MTMR8: variants seen among roughly 807,000 people sequenced by gnomAD.
The protein encoded by MTMR8 is phosphatidylinositol-3,5-bisphosphate 3-phosphatase MTMR8.
In MTMR8, 65 loss-of-function variants were observed where a neutral mutation model predicts 39.3. That is an observed-to-expected ratio of 1.65 (90% confidence interval 1.35 to 2.03). MTMR8 has a LOEUF of 2.03. Ranked by LOEUF, MTMR8 falls within the 30% of genes most tolerant of loss-of-function variation. The probability of loss-of-function intolerance (pLI) is 0.00; values close to 1 mark genes in which losing one functional copy is unlikely to be tolerated. For missense variants in MTMR8, 777 were observed against 538.9 expected (o/e 1.44, Z -4.37); for synonymous variants, 245 against 185.2 (o/e 1.32, Z -2.62).
At chrX:64,325,312 G>A (rs1007341962) in intron 12 of MTMR8, among the ~76,000 whole-genome samples, 4 of 111,863 alleles carry the variant, frequency 3.6e-5, no homozygotes, top group Non-Finnish European at 5.6e-5. Context: ...TATAAGGATA[G>A]CATTACCCTG....
chrX:64,379,568 T>C (rs995231058), intron 1 of MTMR8, among the ~76,000 whole-genome samples: 1 of 111,579 alleles, frequency 9.0e-6, no homozygotes, highest in African/African-American at 3.3e-5. Context: ...TCTAGGCTTA[T>C]AGACATCTTC....
At chrX:64,344,553 C>T (rs1050146883) in intron 7 of MTMR8, among the ~76,000 whole-genome samples, 14 of 111,076 alleles carry the variant, frequency 1.3e-4, no homozygotes, top group African/African-American at 3.9e-4. Context: ...CCTTTCTGAC[C>T]CTAATCATTT....
At chrX:64,383,393 T>G (rs1029904436) in intron 1 of MTMR8, among the ~76,000 whole-genome samples, 1 of 108,989 alleles carries the variant, frequency 9.2e-6, no homozygotes, top group Non-Finnish European at 1.9e-5. Context: ...TTATATAGAA[T>G]TCCAAAACCA....
At chrX:64,393,042 C>G (rs1924733108) in intron 1 of MTMR8, among the ~76,000 whole-genome samples, 1 of 112,018 alleles carries the variant, frequency 8.9e-6, no homozygotes, top group African/African-American at 3.2e-5. Context: ...CTTAAAGAAT[C>G]AAGTCTTCAT....
intron 1 of MTMR8, among the ~76,000 whole-genome samples, chrX:64,382,731 G>A (rs1404980732): frequency 2.7e-5 from 3 of 111,430 alleles, no homozygotes; most frequent in African/African-American, 9.8e-5. Flanking sequence ...TATGATATTG[G>A]CTGTGGGTTT....
At chrX:64,270,012 C>A (rs1482982996) in intron 13 of MTMR8, among the ~76,000 whole-genome samples, 1 of 110,590 alleles carries the variant, frequency 9.0e-6, no homozygotes, top group Admixed American at 9.6e-5. Flanking sequence ...GGGCACCTTC[C>A]CTGGCCTTGT....
intron 1 of MTMR8, among the ~76,000 whole-genome samples, chrX:64,394,490 G>A (rs1924772094): frequency 9.0e-6 from 1 of 111,718 alleles, no homozygotes; most frequent in Non-Finnish European, 1.9e-5. Context: ...ACTTCAATTA[G>A]CCTGGACCAC....
At chrX:64,386,798 C>T (rs895059713) in intron 1 of MTMR8, among the ~76,000 whole-genome samples, 1 of 111,015 alleles carries the variant, frequency 9.0e-6, no homozygotes, top group Admixed American at 9.5e-5. Flanking sequence ...AATTCCAGAA[C>T]TTTGGGAGGC....
At chrX:64,301,424 C>T (rs1402461177) in intron 12 of MTMR8, among the ~76,000 whole-genome samples, 1 of 105,325 alleles carries the variant, frequency 9.5e-6, no homozygotes, top group East Asian at 3.0e-4. Context: ...GTTTTCAGCT[C>T]CATCAGCTCC....
intron 6 of MTMR8, among the ~76,000 whole-genome samples, chrX:64,347,721 C>A: frequency 8.9e-6 from 1 of 112,510 alleles, no homozygotes; most frequent in Non-Finnish European, 1.9e-5. Context: ...AAAATTATTT[C>A]TTTCTGGGGC....
At position 64,357,354 on chromosome X, in the gene MTMR8, T is replaced by A. The variant is rs182813483; in HGVS notation, c.148-1016A>T. Among the ~76,000 whole-genome samples, 64 of 111,837 alleles carry A rather than the reference T, an allele frequency of 5.7e-4. No individual in the cohort carries two copies. In the Middle Eastern group the frequency reaches 0.023, roughly 40 times the overall value. On this transcript the variant is annotated intron_variant, in intron 2 of 13. Transcript: ENST00000374852. ...TTCTTTGGAAAAGTCATCTCTTCAA[T>A]GAAGTCTTTCAATCATATCCACCAT...
At position 64,343,680 on chromosome X, in the gene MTMR8, G is replaced by A. The variant is rs773305646; in HGVS notation, c.906C>T (p.Ser302=). The A allele has an allele frequency of 1.7e-5, 20 of 1,205,752 alleles. No homozygotes were observed. The highest frequency in any genetic ancestry group is 4.4e-5 in the Admixed American group (2 of 45,695). ...TTAACCACCCTGAGCTCTCCAGGCC[G>A]CTAAGAAATTCACTCATTGTTGGAG... ...LKTPTMSEFL[S]GLESSGWLRH... The change falls in exon 8 of 14, where the codon AGC becomes AGT. Residue 302 remains serine (S), a synonymous_variant. Coordinates refer to ENST00000374852, the MANE Select transcript of MTMR8 (RefSeq NM_017677.4).
At chrX:64,357,255 C>T (rs1923650540) in intron 2 of MTMR8, among the ~76,000 whole-genome samples, 1 of 111,241 alleles carries the variant, frequency 9.0e-6, no homozygotes, top group Non-Finnish European at 1.9e-5. Context: ...ACTCCCTGTC[C>T]TGTGCCTGGA....
At position 64,337,323 on chromosome X, in the gene MTMR8, C is replaced by A. The variant is rs1004538782; in HGVS notation, c.1046G>T (p.Cys349Phe). The A allele has an allele frequency of 8.3e-7, 1 of 1,209,713 alleles. No homozygotes were observed. The highest frequency in any genetic ancestry group is 1.1e-6 in the Non-Finnish European group (1 of 894,052). The change falls in exon 9 of 14, where the codon TGC becomes TTC. Residue 349 changes from cysteine (C) to phenylalanine (F), a missense_variant. By Grantham distance (205) the Cys-to-Phe change is radical. Transcript: ENST00000374852. Reference protein sequence around the residue: ...SDGWDRTAQVCSVASILLDPF... With the variant: ...SDGWDRTAQVFSVASILLDPF... The stretch of plus-strand genomic sequence containing the variant: ...ATCTAGGAGGATGCTAGCCACTGAG[C>A]AGACTTGTGCTGTGCGGTCCCATCC...
chrX:64,357,131 A>T (rs1220461035), intron 2 of MTMR8, among the ~76,000 whole-genome samples: 1 of 112,013 alleles, frequency 8.9e-6, no homozygotes, highest in Non-Finnish European at 1.9e-5. Context: ...CTCTTAATTG[A>T]TTCAAAAAGC....
intron 4 of MTMR8, among the ~76,000 whole-genome samples, chrX:64,350,699 G>A (rs932890152): frequency 2.7e-5 from 3 of 110,813 alleles, no homozygotes; most frequent in Admixed American, 9.6e-5. Context: ...ATATCTGGAC[G>A]GCCTTTAAAC....
intron 12 of MTMR8, among the ~76,000 whole-genome samples, chrX:64,327,009 T>C (rs1602133048): frequency 9.0e-6 from 1 of 111,047 alleles, no homozygotes; most frequent in East Asian, 2.8e-4. Context: ...GGTACATATC[T>C]CTCATCACAT....
chrX:64,284,004 C>T (rs1291868179), intron 12 of MTMR8, among the ~76,000 whole-genome samples: 4 of 112,071 alleles, frequency 3.6e-5, no homozygotes, highest in Non-Finnish European at 5.6e-5. Context: ...GAGAAGAAGG[C>T]TTCAGATGAT....
chrX:64,372,608 C>A (rs778844373), intron 1 of MTMR8, among the ~76,000 whole-genome samples: 1 of 111,556 alleles, frequency 9.0e-6, no homozygotes, highest in South Asian at 3.8e-4. Context: ...CCTTATTCAC[C>A]CAGCATAATT....
Sources: gnomAD v4.1 joint callset for allele counts (sites outside exome capture counted in the v4.1 genomes callset) on GRCh38, gnomAD v4.1.1 for gene constraint, MANE v1.5 for transcripts, NCBI Gene and HGNC (gene_info 2026-07-23, HGNC 2026-07-21) for gene names.